CHRNB1: variants seen among roughly 807,000 people sequenced by gnomAD.
The protein encoded by CHRNB1 is cholinergic receptor nicotinic beta 1 subunit.
A neutral mutation model predicts 53.8 loss-of-function variants in CHRNB1; 47 were observed. The ratio of observed to expected loss-of-function variants is 0.87; its 90% CI spans 0.69 to 1.11. CHRNB1 has a LOEUF of 1.11. Among genes scored for constraint, CHRNB1 ranks in the 50% most tolerant of loss-of-function variants. CHRNB1 has a pLI of 0.00. For synonymous variants in CHRNB1, 259 were observed against 263.5 expected, an observed-to-expected ratio of 0.98 and a Z score of 0.16; for missense variants, 605 against 654.9, an observed-to-expected ratio of 0.92 and a Z score of 0.83.
chr17:7,447,671 C>T, intron 6 of CHRNB1, 21 bp downstream of exon 6: 1 of 1,613,888 alleles, frequency 6.2e-7, no homozygotes, highest in Admixed American at 1.7e-5. Flanking sequence ...ATGGCTCCTA[C>T]ATCCATGGGC....
Position 7,448,927 on chromosome 17 carries a change from C to T in CHRNB1, c.820+139C>T, listed in dbSNP as rs548846535. 1.7e-4 allele frequency: 143 copies of T among 846,854 alleles called. 1 individual carries two copies. The South Asian group carries it at 1.9e-3, about 12-fold the overall frequency. The allele number at this position is 846,854 out of a possible 1,614,324, so 52.5% of individuals were successfully genotyped here. A position where few individuals can be genotyped will look rare whatever the true frequency, so the allele number is the denominator to read the frequency against. ...GCAATCCCGCCCAGGCTCTGCCTCC[C>T]GTTGACTGCCACCTTTCCTCCGCTC... On this transcript the variant is annotated intron_variant, in intron 7 of 10. Transcript: ENST00000306071.
intron 7 of CHRNB1, among the ~76,000 whole-genome samples, chr17:7,452,545 G>A (rs1303352358): frequency 6.6e-6 from 1 of 152,216 alleles, no homozygotes; most frequent in African/African-American, 2.4e-5. Flanking sequence ...GGACCAGCTA[G>A]AACAGGAACA....
intron 10 of CHRNB1, 30 bp downstream of exon 10, chr17:7,455,971 G>A (rs2069946343): frequency 2.5e-6 from 4 of 1,612,612 alleles, no homozygotes; most frequent in African/African-American, 2.7e-5. Context: ...AACAAGGCCA[G>A]GTCTAGGCGA....
In CHRNB1 at chr17:7,456,871, C is replaced by A; in HGVS notation, c.*148C>A. ...TCTGGGGACTGCATTGGACTGAGGG[C>A]TGGGTAGGCAGGTGTCTTGGACCCA... On this transcript the variant is annotated 3_prime_UTR_variant, in exon 11 of 11. Coordinates refer to ENST00000306071, the MANE Select transcript of CHRNB1 (RefSeq NM_000747.3). The A allele has an allele frequency of 2.8e-6, 3 of 1,055,186 alleles. No individual in the cohort carries two copies. Among genetic ancestry groups the A allele is most frequent in the African/African-American group, 1.6e-5 (1 of 63,322 alleles). The allele number at this position is 1,055,186 out of a possible 1,614,324, so 65.4% of individuals were successfully genotyped here.
chr17:7,448,890 G>C (rs1284984960), intron 7 of CHRNB1, 102 bp downstream of exon 7: 1 of 1,304,618 alleles, frequency 7.7e-7, no homozygotes, highest in African/African-American at 1.5e-5. Flanking sequence ...AAGCATCATA[G>C]ATTGGGCTTC....
intron 8 of CHRNB1, among the ~76,000 whole-genome samples, 195 bp from the exon 9 acceptor site, chr17:7,455,089 C>A (rs951741964): frequency 3.3e-5 from 5 of 151,958 alleles, no homozygotes; most frequent in Non-Finnish European, 7.4e-5. Flanking sequence ...AGGCGTGAGC[C>A]ACCGCGACAG....
At chr17:7,448,026 G>C (rs1239932499) in intron 6 of CHRNB1, among the ~76,000 whole-genome samples, 2 of 127,916 alleles carry the variant, frequency 1.6e-5, no homozygotes, top group African/African-American at 5.9e-5. Context: ...GGTGAGCCGA[G>C]ATGGCGCCAC....
At position 7,448,230 on chromosome 17, in the gene CHRNB1, C is replaced by CA. The variant is rs1241490645; in HGVS notation, c.611-343dup. 1.7e-4 allele frequency among the ~76,000 whole-genome samples: 26 copies of CA among 151,162 alleles called. 1 individual carries two copies. In the South Asian group the frequency reaches 5.5e-3, roughly 32 times the overall value. On this transcript the variant is annotated intron_variant, in intron 6 of 10. Coordinates refer to ENST00000306071, the MANE Select transcript of CHRNB1 (RefSeq NM_000747.3). ...TGAAACCCCGTCTCTACTAAAAATACAAAAAATTAGCCAGGTGTGGTGGTG... is the reference window on the plus strand; with the variant it reads ...TGAAACCCCGTCTCTACTAAAAATACAAAAAAATTAGCCAGGTGTGGTGGTG...
rs1311398144 is a variant in CHRNB1, at chr17:7,455,322, A to T, written c.1083A>T (p.Lys361Asn). Residue 361 changes from lysine to asparagine, a missense_variant, in exon 9 of 11, where the codon AAA becomes AAT. Lys to Asn is a moderately conservative substitution (Grantham distance 94). Coordinates refer to ENST00000306071, the MANE Select transcript of CHRNB1 (RefSeq NM_000747.3). ...AACTTCCGCTGTACCTGCGTCTAAAAAGGCCCAAACCCGAGAGAGACCTGA... is the reference window on the plus strand; with the variant it reads ...AACTTCCGCTGTACCTGCGTCTAAATAGGCCCAAACCCGAGAGAGACCTGA... ...IHKLPLYLRLKRPKPERDLMP... is the reference protein window; with the variant it reads ...IHKLPLYLRLNRPKPERDLMP... The T allele has an allele frequency of 6.2e-7, 1 of 1,614,138 alleles. No individual in the cohort carries two copies. Among genetic ancestry groups the T allele is most frequent in the Admixed American group, 1.7e-5 (1 of 60,008 alleles).
chr17:7,447,448 T>A, intron 5 of CHRNB1, 55 bp from the exon 6 acceptor site: 1 of 1,607,872 alleles, frequency 6.2e-7, no homozygotes, highest in Non-Finnish European at 8.5e-7. Context: ...CCTCCCAAAC[T>A]CCACCAGCGC....
In CHRNB1 at chr17:7,445,553, C is replaced by G; in HGVS notation, c.198+144C>G. 3.3e-6 allele frequency: 5 copies of G among 1,506,788 alleles called. No individual in the cohort carries two copies. Among genetic ancestry groups the G allele is most frequent in the Non-Finnish European group, 4.4e-6 (5 of 1,131,484 alleles). The allele number at this position is 1,506,788 out of a possible 1,614,324, so 93.3% of individuals were successfully genotyped here. ...GACCAGCCTTTGGTGAAGATTGGAT[C>G]GAAATCAGACCAATGGACAAGCTCT... On this transcript the variant is annotated intron_variant, in intron 2 of 10. Coordinates refer to ENST00000306071, the MANE Select transcript of CHRNB1 (RefSeq NM_000747.3). This position sits in a 1 kb window ranked among gnomAD's most constrained non-coding sequence, Gnocchi z 5.7.
chr17:7,454,892 T>C (rs1249511924), intron 8 of CHRNB1, among the ~76,000 whole-genome samples: 3 of 132,876 alleles, frequency 2.3e-5, no homozygotes, highest in African/African-American at 8.5e-5. Flanking sequence ...AACCTTCACC[T>C]CCCAGGTTCC....
rs1017040735 is a variant in CHRNB1 at position 7,454,199 on chromosome 17, T to G, written c.821-98T>G. The G allele has an allele frequency of 8.8e-5, 94 of 1,068,176 alleles. No homozygotes were observed. In the Middle Eastern group the frequency reaches 1.0e-3, roughly 12 times the overall value. 66.2% of individuals were successfully genotyped at this position (1,068,176 alleles called of 1,614,324 possible). A position where few individuals can be genotyped will look rare whatever the true frequency, so the allele number is the denominator to read the frequency against. On this transcript the variant is annotated intron_variant, in intron 7 of 10. Coordinates refer to ENST00000306071, the MANE Select transcript of CHRNB1 (RefSeq NM_000747.3). ...GAACCACTGTGCCTGGCTGTAGAAA[T>G]CTGTCTTTGAATGGCCTGGAAACAT...
intron 3 of CHRNB1, 156 bp downstream of exon 3, chr17:7,446,269 A>G: frequency 1.4e-6 from 1 of 698,150 alleles, no homozygotes; most frequent in Non-Finnish European, 2.6e-6. Context: ...ACTTTACTAC[A>G]GGAGTTACAC....
rs376365098 is a variant in CHRNB1, at chr17:7,446,871, G to A, written c.282G>A (p.Glu94=). Residue 94 remains glutamate (E), a synonymous_variant, in exon 4 of 11, where the codon GAG becomes GAA. Coordinates refer to ENST00000306071, the MANE Select transcript of CHRNB1 (RefSeq NM_000747.3). ...TDYRLSWDPA[E]HDGIDSLRIT... is the part of the protein sequence containing the mutation. ...ACAGGCTGAGCTGGGACCCTGCGGA[G>A]CACGACGGCATCGATTCGCTCCGCA... 1 of 1,613,886 alleles carries A rather than the reference G, an allele frequency of 6.2e-7. No homozygotes were observed. Among genetic ancestry groups the A allele is most frequent in the African/African-American group, 1.3e-5 (1 of 74,946 alleles).
chr17:7,456,546 G>C (rs577278297), intron 10 of CHRNB1, 37 bp from the exon 11 acceptor site: 1 of 1,613,616 alleles, frequency 6.2e-7, no homozygotes, highest in East Asian at 2.2e-5. Flanking sequence ...GGGGGTCTGG[G>C]CCCAGAGCTC....
At position 7,455,849 on chromosome 17, in the gene CHRNB1, C is replaced by G. The variant is rs761173527; in HGVS notation, c.1273C>G (p.Arg425Gly). 1.2e-6 allele frequency: 2 copies of G among 1,614,082 alleles called. No individual in the cohort carries two copies. The highest frequency in any genetic ancestry group is 1.7e-6 in the Non-Finnish European group (2 of 1,180,030). ...GCGGCGATTTATCGATGGTCCAAACCGGGCTGTGGCCCTGCTTCCGGAGCT... is the reference window on the plus strand; with the variant it reads ...GCGGCGATTTATCGATGGTCCAAACGGGGCTGTGGCCCTGCTTCCGGAGCT... ...DLRRFIDGPN[R>G]AVALLPELRE... Residue 425 changes from arginine (R) to glycine (G), a missense_variant, in exon 10 of 11, where the codon CGG becomes GGG. Transcript: ENST00000306071.
At chr17:7,446,191 AT>A in intron 3 of CHRNB1, 78 bp downstream of exon 3, 1 of 1,229,272 alleles carries the variant, frequency 8.1e-7, no homozygotes, top group Non-Finnish European at 1.2e-6. Context: ...CAGTAAGAAT[AT>A]TTTTTACATC....
At chr17:7,450,120 A>G (rs1046459446) in intron 7 of CHRNB1, among the ~76,000 whole-genome samples, 2 of 151,636 alleles carry the variant, frequency 1.3e-5, no homozygotes, top group African/African-American at 4.8e-5. Context: ...GCAGCAAAAT[A>G]GGATAACTTT....
Sources: gnomAD v4.1 joint callset for allele counts (sites outside exome capture counted in the v4.1 genomes callset) on GRCh38, gnomAD v4.1.1 for gene constraint, Gnocchi (gnomAD v3.1) non-coding constraint, MANE v1.5 for transcripts, NCBI Gene and HGNC (gene_info 2026-07-23, HGNC 2026-07-21) for gene names.